Variants in DOCK2 observed in about 807,000 individuals in gnomAD.
DOCK2 encodes the protein dedicator of cytokinesis 2, also known as dedicator of cytokinesis protein 2.
Under a neutral mutation model 248.9 loss-of-function variants are expected in DOCK2, and 87 were observed. That is an observed-to-expected ratio of 0.35 (90% confidence interval 0.29 to 0.42). The LOEUF is 0.42. Ranked by LOEUF, DOCK2 falls within the 10% of genes least tolerant of loss-of-function variation. The pLI is 1.00. For synonymous variants in DOCK2, 805 were observed against 821.6 expected, an observed-to-expected ratio of 0.98 and a Z score of 0.35; for missense variants, 1,747 against 2,300.2, an observed-to-expected ratio of 0.76 and a Z score of 4.92.
chr5:170,039,593 G>A (rs7720357), intron 36 of DOCK2, among the ~76,000 whole-genome samples: 15,365 of 152,210 alleles, frequency 0.1, 998 homozygotes, highest in Non-Finnish European at 0.14. Flanking sequence ...ACCTTTCCTC[G>A]CCTCAAAATC....
At chr5:169,837,021 G>A (rs1440814208) in intron 26 of DOCK2, among the ~76,000 whole-genome samples, 3 of 152,164 alleles carry the variant, frequency 2.0e-5, no homozygotes, top group African/African-American at 7.2e-5. Flanking sequence ...GAGTGAGTCA[G>A]GAAGAGAGGG....
intron 27 of DOCK2, among the ~76,000 whole-genome samples, chr5:169,936,522 T>C (rs968982347): frequency 2.0e-5 from 3 of 151,490 alleles, no homozygotes; most frequent in African/African-American, 7.3e-5. Flanking sequence ...ATCTATTCTA[T>C]CCTGTGTGTA....
At chr5:170,077,915 G>T in intron 48 of DOCK2, 78 bp downstream of exon 48, 1 of 1,201,448 alleles carries the variant, frequency 8.3e-7, no homozygotes, top group Non-Finnish European at 1.2e-6. Flanking sequence ...TCTCTTCTCC[G>T]GCAACATCCC....
intron 27 of DOCK2, among the ~76,000 whole-genome samples, chr5:169,897,070 A>G (rs1323928432): frequency 3.3e-5 from 5 of 152,236 alleles, no homozygotes; most frequent in Non-Finnish European, 7.3e-5. Flanking sequence ...AGAGAAAATT[A>G]TCATAAGAAT....
intron 27 of DOCK2, among the ~76,000 whole-genome samples, chr5:169,866,924 A>G (rs1771601293): frequency 6.6e-6 from 1 of 152,188 alleles, no homozygotes; most frequent in Non-Finnish European, 1.5e-5. Context: ...ATCTACCCAG[A>G]GATAGCATCA....
In DOCK2 at chr5:170,079,008, G is replaced by A. The variant is rs750759661; in HGVS notation, c.5028G>A (p.Pro1676=). ...FDLELASPKT[P]RVEQEEPISP... ...TGGAATTAGCATCACCCAAGACGCC[G>A]AGAGTGGAGCAGGAGGAACCGATCT... The change falls in exon 49 of 52, where the codon CCG becomes CCA. Residue 1676 remains proline, a synonymous_variant. Transcript: ENST00000520908. 2.2e-5 allele frequency: 35 copies of A among 1,614,016 alleles called. No homozygotes were observed. Among genetic ancestry groups the A allele is most frequent in the South Asian group, 1.3e-4 (12 of 91,080 alleles).
chr5:169,829,220 A>G (rs1047681777), intron 26 of DOCK2, among the ~76,000 whole-genome samples: 8 of 152,142 alleles, frequency 5.3e-5, no homozygotes, highest in African/African-American at 1.9e-4. Flanking sequence ...AAAAATTTTC[A>G]TCACCACGGA....
chr5:169,705,921 A>T (rs1761233329), intron 14 of DOCK2, among the ~76,000 whole-genome samples: 1 of 152,206 alleles, frequency 6.6e-6, no homozygotes, highest in East Asian at 1.9e-4. Flanking sequence ...GAAGTCTCCC[A>T]CACCTATGAG....
intron 22 of DOCK2, among the ~76,000 whole-genome samples, chr5:169,728,750 C>T (rs1762616323): frequency 6.6e-6 from 1 of 152,150 alleles, no homozygotes; most frequent in African/African-American, 2.4e-5. Context: ...ATTTGGATTG[C>T]CTTTTTCCAG....
chr5:169,839,113 C>T (rs1430437806), intron 26 of DOCK2, among the ~76,000 whole-genome samples: 1 of 152,152 alleles, frequency 6.6e-6, no homozygotes, highest in East Asian at 1.9e-4. Flanking sequence ...ATCGATTTAG[C>T]ACTTTCTTTG....
chr5:170,041,905 A>G, intron 37 of DOCK2, 108 bp from the exon 38 acceptor site: 1 of 1,327,428 alleles, frequency 7.5e-7, no homozygotes, highest in Admixed American at 2.7e-5. Context: ...AGAGATGGAA[A>G]GGACAGGGTG....
At chr5:169,992,534 G>A (rs748661398) in intron 29 of DOCK2, among the ~76,000 whole-genome samples, 8 of 151,736 alleles carry the variant, frequency 5.3e-5, no homozygotes, top group Non-Finnish European at 1.2e-4. Context: ...GTGTGATCTC[G>A]GCTCACTGCA....
Position 169,755,767 on chromosome 5 carries a change from CAAT to C in DOCK2, c.2377-3927_2377-3925del, listed in dbSNP as rs531103164. Reference sequence around the variant, plus strand: ...TCAAAATAAATAAATAAATTAAAAACAATAATAATAATAGAAGAGTGAAACTCA... The same window carrying C: ...TCAAAATAAATAAATAAATTAAAAACAATAATAATAGAAGAGTGAAACTCA... On this transcript the variant is annotated intron_variant, in intron 23 of 51. Coordinates refer to ENST00000520908, the MANE Select transcript of DOCK2 (RefSeq NM_004946.3). 7.2e-5 allele frequency among the ~76,000 whole-genome samples: 11 copies of C among 152,134 alleles called. No homozygotes were observed. In the South Asian group the frequency reaches 2.3e-3, roughly 32 times the overall value.
intron 40 of DOCK2, 40 bp from the exon 41 acceptor site, chr5:170,050,216 C>T (rs754327870): frequency 8.2e-5 from 131 of 1,606,274 alleles, no homozygotes; most frequent in Middle Eastern, 1.7e-4. Context: ...TTCTTCACAC[C>T]TGGGTCCCCA....
Position 169,803,026 on chromosome 5 carries a change from T to C in DOCK2, c.2555-32T>C, listed in dbSNP as rs748615720. The stretch of plus-strand genomic sequence containing the variant: ...AGAAAAGAAACTAAAAAATGAGGAA[T>C]TCTACACTACTCTGAACTGTCTTTA... On this transcript the variant is annotated intron_variant, in intron 25 of 51. Transcript: ENST00000520908. The C allele has an allele frequency of 3.1e-6, 5 of 1,605,768 alleles. No individual in the cohort carries two copies. In the African/African-American group the frequency reaches 6.7e-5, roughly 22 times the overall value.
At chr5:169,831,295 C>T (rs1031338373) in intron 26 of DOCK2, among the ~76,000 whole-genome samples, 4 of 152,052 alleles carry the variant, frequency 2.6e-5, no homozygotes, top group African/African-American at 9.7e-5. Flanking sequence ...TTTTCCAGGT[C>T]AAGATCTATC....
intron 2 of DOCK2, among the ~76,000 whole-genome samples, chr5:169,663,093 G>C (rs1758533375): frequency 6.6e-6 from 1 of 152,158 alleles, no homozygotes; most frequent in African/African-American, 2.4e-5. Context: ...TTCTGAAAAG[G>C]AGAAATTAGC....
chr5:169,960,000 G>C (rs28560148), intron 27 of DOCK2, among the ~76,000 whole-genome samples: 5,887 of 152,288 alleles, frequency 0.039, 370 homozygotes, highest in African/African-American at 0.13. Flanking sequence ...ACCATGTAAA[G>C]CTAGATCATC....
At chr5:169,902,887 C>A (rs1774009425) in intron 27 of DOCK2, among the ~76,000 whole-genome samples, 1 of 152,056 alleles carries the variant, frequency 6.6e-6, no homozygotes, top group African/African-American at 2.4e-5. Flanking sequence ...ATCACAAGGT[C>A]AAGAGATCGA....
Sources: allele counts gnomAD v4.1 joint callset (sites outside exome capture counted in the v4.1 genomes callset), GRCh38; gene constraint gnomAD v4.1.1; transcripts MANE v1.5; gene names NCBI Gene and HGNC (gene_info 2026-07-23, HGNC 2026-07-21).